ZNF469: variants seen among roughly 807,000 people sequenced by gnomAD.
ZNF469 encodes zinc finger protein 469.
In ZNF469, 1 loss-of-function variant was observed where a neutral mutation model predicts 1.0. The ratio of observed to expected loss-of-function variants is 1.00; its 90% CI spans 0.35 to 4.73. ZNF469 has a LOEUF of 4.73. ZNF469 is among the 30% of genes most tolerant of loss of function. The pLI is 0.16. For synonymous variants in ZNF469, 2,703 were observed against 2,363.4 expected, an observed-to-expected ratio of 1.14 and a Z score of -4.17; for missense variants, 6,100 against 5,356.3, an observed-to-expected ratio of 1.14 and a Z score of -4.33.
chr16:88,359,780 T>C, the ZNF469 span, among the ~76,000 whole-genome samples: 1 of 152,248 alleles, frequency 6.6e-6, no homozygotes, highest in Non-Finnish European at 1.5e-5. Flanking sequence ...GAAAATCAAA[T>C]ATCTAGAAAG....
At chr16:88,241,726 A>G in the ZNF469 span, among the ~76,000 whole-genome samples, 1 of 152,162 alleles carries the variant, frequency 6.6e-6, no homozygotes, top group Non-Finnish European at 1.5e-5. This position sits in a 1 kb window ranked among gnomAD's most constrained non-coding sequence, Gnocchi z 4.8. Context: ...ACACTGGAAC[A>G]TGGGGAGAAG....
the ZNF469 span, among the ~76,000 whole-genome samples, chr16:88,220,740 A>C: frequency 1.5e-4 from 23 of 152,036 alleles, no homozygotes; most frequent in African/African-American, 5.3e-4. Flanking sequence ...CCAGGGCCTG[A>C]GCTCTGAGCC....
chr16:88,132,195 C>T, the ZNF469 span, among the ~76,000 whole-genome samples: 9,860 of 152,214 alleles, frequency 0.065, 482 homozygotes, highest in East Asian at 0.18. Context: ...CGCCAGGCCC[C>T]CACCCCTACC....
the ZNF469 span, among the ~76,000 whole-genome samples, chr16:88,333,921 T>A: frequency 1.2e-5 from 1 of 86,332 alleles, no homozygotes; most frequent in Non-Finnish European, 3.1e-5. Context: ...TGTGTGTGTC[T>A]GTGTGTGTCT....
the ZNF469 span, among the ~76,000 whole-genome samples, chr16:88,354,082 G>C: frequency 6.6e-6 from 1 of 152,198 alleles, no homozygotes; most frequent in South Asian, 2.1e-4. Context: ...CCTCAGCACT[G>C]GGGACAGTTT....
chr16:88,268,710 C>T, the ZNF469 span, among the ~76,000 whole-genome samples: 21 of 152,226 alleles, frequency 1.4e-4, no homozygotes, highest in African/African-American at 5.1e-4. Flanking sequence ...TCACACTTCT[C>T]TACTCTGTTC....
the ZNF469 span, among the ~76,000 whole-genome samples, chr16:88,338,724 G>A: frequency 6.6e-6 from 1 of 152,282 alleles, no homozygotes; most frequent in East Asian, 1.9e-4. Flanking sequence ...TCAGAAGGGG[G>A]GATATGGGCA....
chr16:88,394,656 C>T (rs1043891463), intron 1 of ZNF469, among the ~76,000 whole-genome samples: 3 of 152,296 alleles, frequency 2.0e-5, no homozygotes, highest in East Asian at 1.9e-4. Context: ...GTGAGCTTGT[C>T]GAATGCTGGA....
At chr16:88,109,227 C>A in the ZNF469 span, among the ~76,000 whole-genome samples, 5 of 152,196 alleles carry the variant, frequency 3.3e-5, no homozygotes, top group Non-Finnish European at 7.3e-5. Flanking sequence ...GGTCTCTCTT[C>A]TTTGTGGGTG....
At chr16:88,273,249 G>C in the ZNF469 span, among the ~76,000 whole-genome samples, 2 of 78,526 alleles carry the variant, frequency 2.5e-5, no homozygotes, top group Non-Finnish European at 5.1e-5. Context: ...GTGGTGTTAT[G>C]CTAGAAAAGA....
chr16:88,200,127 GAA>G, the ZNF469 span, among the ~76,000 whole-genome samples: 4 of 152,010 alleles, frequency 2.6e-5, no homozygotes, highest in Non-Finnish European at 5.9e-5. Flanking sequence ...CGGCACGGCC[GAA>G]GAGAACACGG....
chr16:88,260,050 T>G, the ZNF469 span, among the ~76,000 whole-genome samples: 1 of 151,990 alleles, frequency 6.6e-6, no homozygotes, highest in Non-Finnish European at 1.5e-5. This position sits in a 1 kb window ranked among gnomAD's most constrained non-coding sequence, Gnocchi z 4.1. Context: ...AGATCTTGGC[T>G]CACTGAAACC....
the ZNF469 span, among the ~76,000 whole-genome samples, chr16:88,356,085 C>T: frequency 2.0e-5 from 3 of 152,152 alleles, no homozygotes; most frequent in East Asian, 1.9e-4. Context: ...CAAATCAGAC[C>T]GCACGCCCCG....
At chr16:88,423,964 G>A (rs1323452198) in intron 1 of ZNF469, among the ~76,000 whole-genome samples, 1 of 152,262 alleles carries the variant, frequency 6.6e-6, no homozygotes, top group Non-Finnish European at 1.5e-5. Flanking sequence ...CTCTTGAAGG[G>A]AGGAGTGTTA....
chr16:88,372,067 AT>A, the ZNF469 span, among the ~76,000 whole-genome samples: 30 of 9,376 alleles, frequency 3.2e-3, no homozygotes, highest in Non-Finnish European at 6.8e-3. Flanking sequence ...TACCACCATC[AT>A]CACCATCACC....
chr16:88,316,545 C>CT, the ZNF469 span, among the ~76,000 whole-genome samples: 159 of 100,976 alleles, frequency 1.6e-3, 3 homozygotes, highest in Middle Eastern at 5.7e-3. Context: ...TAGGTGCTGT[C>CT]TTTTTTTTTT....
At chr16:88,192,907 ATGGAGG>A in the ZNF469 span, among the ~76,000 whole-genome samples, 1 of 143,164 alleles carries the variant, frequency 7.0e-6, no homozygotes, top group Non-Finnish European at 1.5e-5. Context: ...GGTGGTGATG[ATGGAGG>A]TGATGGTGAT....
At chr16:88,170,006 G>A in the ZNF469 span, among the ~76,000 whole-genome samples, 4 of 152,270 alleles carry the variant, frequency 2.6e-5, no homozygotes, top group African/African-American at 7.2e-5. This position sits in a 1 kb window ranked among gnomAD's most constrained non-coding sequence, Gnocchi z 4.2. Context: ...ATTTATGGGG[G>A]GCATGGTGCA....
chr16:88,183,247 G>C, the ZNF469 span, among the ~76,000 whole-genome samples: 1 of 152,214 alleles, frequency 6.6e-6, no homozygotes, highest in Non-Finnish European at 1.5e-5. Context: ...CTGCCATTTG[G>C]AAGACAGTTG....
Sources: allele counts gnomAD v4.1 joint callset (sites outside exome capture counted in the v4.1 genomes callset), GRCh38; gene constraint gnomAD v4.1.1; non-coding constraint Gnocchi (gnomAD v3.1); transcripts MANE v1.5; gene names NCBI Gene and HGNC (gene_info 2026-07-23, HGNC 2026-07-21).